CUX2: variants seen among roughly 807,000 people sequenced by gnomAD.
CUX2 encodes homeobox protein cut-like 2.
A neutral mutation model predicts 144.8 loss-of-function variants in CUX2; 40 were observed. That is an observed-to-expected ratio of 0.28 (90% CI 0.21 to 0.36). The LOEUF (loss-of-function observed/expected upper bound fraction) is 0.36, where lower values mean the gene tolerates loss of function less well. CUX2 is among the 10% of genes least tolerant of loss of function. The pLI is 1.00. For synonymous variants in CUX2, 827 were observed against 875.6 expected, an observed-to-expected ratio of 0.94 and a Z score of 0.98; for missense variants, 1,615 against 1,994.0, an observed-to-expected ratio of 0.81 and a Z score of 3.62.
intron 1 of CUX2, among the ~76,000 whole-genome samples, chr12:111,140,249 C>T (rs1876221837): frequency 6.6e-6 from 1 of 152,174 alleles, no homozygotes; most frequent in Non-Finnish European, 1.5e-5. Context: ...CCCTGCAAGG[C>T]TATACAGGGA....
rs1871617410 is a variant in CUX2, at chr12:111,077,717, T to C, written c.63+43477T>C. Among the ~76,000 whole-genome samples, 1 of 152,138 alleles carries C rather than the reference T, an allele frequency of 6.6e-6. No individual in the cohort carries two copies. Among genetic ancestry groups the C allele is most frequent in the Non-Finnish European group, 1.5e-5 (1 of 68,016 alleles). On this transcript the variant is annotated intron_variant, in intron 1 of 21. Coordinates refer to ENST00000261726, the MANE Select transcript of CUX2 (RefSeq NM_015267.4). The surrounding 1 kb of genome is among the most constrained non-coding windows in gnomAD (Gnocchi z 4.1). ...TTTATTTACAAGAGTGTTTGTTTTT[T>C]GGGGGCCATACGCAAATTCCCACCC...
intron 1 of CUX2, among the ~76,000 whole-genome samples, chr12:111,187,231 C>G (rs1879597968): frequency 6.6e-6 from 1 of 152,214 alleles, no homozygotes; most frequent in African/African-American, 2.4e-5. Flanking sequence ...TATCACCCAG[C>G]AGCCTGCAGG....
chr12:111,257,588 C>A (rs1169000773), intron 3 of CUX2, among the ~76,000 whole-genome samples: 1 of 111,718 alleles, frequency 9.0e-6, no homozygotes, highest in Non-Finnish European at 1.9e-5. Flanking sequence ...TCTTTCCTCT[C>A]CCTCCTCCTT....
At chr12:111,218,387 G>A (rs544174438) in intron 3 of CUX2, among the ~76,000 whole-genome samples, 8 of 151,994 alleles carry the variant, frequency 5.3e-5, no homozygotes, top group Non-Finnish European at 7.4e-5. Context: ...ATGGTGGCAC[G>A]TGCCTGTGGT....
At chr12:111,272,237 C>CCTGCACAG (rs1371572283) in intron 4 of CUX2, among the ~76,000 whole-genome samples, 1 of 152,060 alleles carries the variant, frequency 6.6e-6, no homozygotes, top group Non-Finnish European at 1.5e-5. Context: ...GGATAAGCCA[C>CCTGCACAG]CTGCACAGCT....
chr12:111,215,990 A>G (rs189076235), intron 2 of CUX2, among the ~76,000 whole-genome samples: 2 of 152,320 alleles, frequency 1.3e-5, no homozygotes, highest in Non-Finnish European at 1.5e-5. Flanking sequence ...TCCTTTTTGG[A>G]GCCAGTCTCT....
At position 111,322,628 on chromosome 12, in the gene CUX2, C is replaced by G. The variant is rs377451202; in HGVS notation, c.2926+48C>G. The G allele has an allele frequency of 2.5e-5, 39 of 1,587,200 alleles. No individual in the cohort carries two copies. The African/African-American group carries it at 4.0e-4, about 16-fold the overall frequency. ...CAGGGGGTGCTGGCAAACTTCCCAC[C>G]TGCGCAGTGGCATGTCCGCCTGGCT... On this transcript the variant is annotated intron_variant, in intron 18 of 21. Transcript: ENST00000261726. This position sits in a 1 kb window ranked among gnomAD's most constrained non-coding sequence, Gnocchi z 4.2.
At chr12:111,286,714 G>A (rs1054616815) in intron 4 of CUX2, among the ~76,000 whole-genome samples, 1 of 151,974 alleles carries the variant, frequency 6.6e-6, no homozygotes, top group Non-Finnish European at 1.5e-5. Context: ...CTCTACTGAA[G>A]ATACAAAAAT....
intron 1 of CUX2, among the ~76,000 whole-genome samples, chr12:111,170,454 A>AAG (rs398116864): frequency 6.9e-6 from 1 of 144,736 alleles, no homozygotes; most frequent in African/African-American, 2.5e-5. Context: ...AAAAAAAAAA[A>AAG]CTGCCCCCAC....
chr12:111,085,852 C>A (rs533168802), intron 1 of CUX2, among the ~76,000 whole-genome samples: 1 of 152,368 alleles, frequency 6.6e-6, no homozygotes, highest in South Asian at 2.1e-4. Flanking sequence ...CATCTCCCCA[C>A]CTTCCAGCAA....
intron 1 of CUX2, among the ~76,000 whole-genome samples, chr12:111,192,327 G>A (rs928784269): frequency 4.6e-5 from 7 of 151,626 alleles, no homozygotes; most frequent in Non-Finnish European, 8.8e-5. Context: ...ATGGGGTTTC[G>A]CCATGTTGGC....
intron 1 of CUX2, among the ~76,000 whole-genome samples, chr12:111,134,582 A>T (rs1875718255): frequency 6.7e-6 from 1 of 149,394 alleles, no homozygotes; most frequent in Non-Finnish European, 1.5e-5. Flanking sequence ...AAACAGAACC[A>T]ATAAGATCTC....
chr12:111,100,181 C>CTGTGTG (rs71881537), intron 1 of CUX2: 10 of 388,204 alleles, frequency 2.6e-5, no homozygotes, highest in African/African-American at 1.1e-4. Context: ...GAGCCTGTGA[C>CTGTGTG]TGTGTGTGTG....
intron 1 of CUX2, among the ~76,000 whole-genome samples, chr12:111,070,903 C>T (rs1281472109): frequency 6.6e-6 from 1 of 152,166 alleles, no homozygotes; most frequent in East Asian, 1.9e-4. Context: ...TAACAACCTG[C>T]ATTTAAGATT....
intron 4 of CUX2, among the ~76,000 whole-genome samples, chr12:111,271,326 T>A (rs929180481): frequency 1.2e-4 from 18 of 152,336 alleles, no homozygotes; most frequent in African/African-American, 4.3e-4. Context: ...CATTTTGTTG[T>A]TTTTCTTTTC....
At chr12:111,106,218 C>T (rs147316284) in intron 1 of CUX2, among the ~76,000 whole-genome samples, 142 of 151,828 alleles carry the variant, frequency 9.4e-4, no homozygotes, top group African/African-American at 3.3e-3. Context: ...TCTCAAACTC[C>T]TGGACTTAAA....
Position 111,328,653 on chromosome 12 carries a change from G to A in CUX2, c.2927-5788G>A, listed in dbSNP as rs567848687. On this transcript the variant is annotated intron_variant, in intron 18 of 21. Coordinates refer to ENST00000261726, the MANE Select transcript of CUX2 (RefSeq NM_015267.4). Reference sequence around the variant, plus strand: ...CTCACTCTGTCGCCCAGGCTGGAGTGCAATGGTGTGATCTCGGCTCACTGT... The same window carrying A: ...CTCACTCTGTCGCCCAGGCTGGAGTACAATGGTGTGATCTCGGCTCACTGT... 2.6e-5 allele frequency among the ~76,000 whole-genome samples: 4 copies of A among 151,578 alleles called. No homozygotes were observed. In the East Asian group the frequency reaches 7.8e-4, roughly 30 times the overall value.
At chr12:111,303,011 C>T (rs1886369858) in intron 9 of CUX2, among the ~76,000 whole-genome samples, 1 of 151,570 alleles carries the variant, frequency 6.6e-6, no homozygotes, top group Non-Finnish European at 1.5e-5. Context: ...TACTTGAACC[C>T]AGGAGTTCAA....
chr12:111,320,634 C>T lies in CUX2; in HGVS notation c.2625C>T (p.Thr875=). The T allele has an allele frequency of 6.3e-7, 1 of 1,594,508 alleles. No individual in the cohort carries two copies. The highest frequency in any genetic ancestry group is 8.5e-7 in the Non-Finnish European group (1 of 1,178,018). The change falls in exon 17 of 22, where the codon ACC becomes ACT. Residue 875 remains threonine (T), a synonymous_variant. Transcript: ENST00000261726. The surrounding 1 kb of genome is among the most constrained non-coding windows in gnomAD (Gnocchi z 8.1). ...LPYYPAYVPR[T]LKPTVPPLTP... ...ACTACCCGGCCTACGTGCCGCGCAC[C>T]CTGAAGCCCACCGTGCCGCCGCTGA...
Sources: allele counts gnomAD v4.1 joint callset (sites outside exome capture counted in the v4.1 genomes callset), GRCh38; gene constraint gnomAD v4.1.1; non-coding constraint Gnocchi (gnomAD v3.1); transcripts MANE v1.5; gene names NCBI Gene and HGNC (gene_info 2026-07-23, HGNC 2026-07-21).